Variants in GMDS observed in about 807,000 individuals in gnomAD.
GMDS encodes GDP-mannose 4,6 dehydratase.
In GMDS, 20 loss-of-function variants were observed where a neutral mutation model predicts 49.9. The ratio of observed to expected loss-of-function variants is 0.40; its 90% CI spans 0.28 to 0.58. The LOEUF is 0.58. Among genes scored for constraint, GMDS ranks in the 20% least tolerant of loss-of-function variants. The probability of loss-of-function intolerance (pLI) is 0.42; values close to 1 mark genes in which losing one functional copy is unlikely to be tolerated. For synonymous variants in GMDS, 177 were observed against 178.6 expected (o/e 0.99, Z 0.07); for missense variants, 362 against 481.4 (o/e 0.75, Z 2.32).
chr6:2,176,032 T>TA, intron 1 of GMDS: 1 of 1,526,798 alleles, frequency 6.5e-7, no homozygotes, highest in Non-Finnish European at 8.8e-7. Context: ...ACAGATGCTT[T>TA]ACTGTCAAGA....
chr6:2,235,392 G>A (rs957038532), intron 1 of GMDS, among the ~76,000 whole-genome samples: 1 of 152,074 alleles, frequency 6.6e-6, no homozygotes, highest in African/African-American at 2.4e-5. Flanking sequence ...CCTCCCCCAG[G>A]GACAATGCCT....
intron 4 of GMDS, among the ~76,000 whole-genome samples, chr6:2,014,394 G>T (rs914013206): frequency 1.3e-5 from 2 of 152,018 alleles, no homozygotes; most frequent in African/African-American, 4.8e-5. Context: ...ATAGTATATG[G>T]ATAAGTGAAA....
chr6:1,938,973 CCCTCCCCTCCTCTCT>C (rs1267834379), intron 6 of GMDS, among the ~76,000 whole-genome samples: 1 of 139,916 alleles, frequency 7.1e-6, no homozygotes, highest in Non-Finnish European at 1.5e-5. Context: ...CCCTCCCCTC[CCCTCCCCTCCTCTCT>C]CCTCTCCTCT....
At chr6:1,841,799 T>A (rs1246110492) in intron 7 of GMDS, among the ~76,000 whole-genome samples, 1 of 152,212 alleles carries the variant, frequency 6.6e-6, no homozygotes, top group East Asian at 1.9e-4. Flanking sequence ...GTGGTTCCAG[T>A]GGCTGGAGGA....
At chr6:1,707,514 G>C (rs1424018748) in intron 9 of GMDS, among the ~76,000 whole-genome samples, 1 of 119,276 alleles carries the variant, frequency 8.4e-6, no homozygotes, top group Non-Finnish European at 2.1e-5. Context: ...TGAGCAACCA[G>C]ATGGAGGTGG....
chr6:1,840,905 T>C (rs1403456486), intron 7 of GMDS, among the ~76,000 whole-genome samples: 1 of 152,188 alleles, frequency 6.6e-6, no homozygotes, highest in Non-Finnish European at 1.5e-5. Flanking sequence ...CAGCCACTAA[T>C]GACATTGTGA....
At chr6:2,137,099 C>A (rs1397713168) in intron 1 of GMDS, among the ~76,000 whole-genome samples, 1 of 152,076 alleles carries the variant, frequency 6.6e-6, no homozygotes, top group Non-Finnish European at 1.5e-5. Flanking sequence ...ACAAAGAGCT[C>A]TTCAAATTCT....
chr6:2,151,055 T>C (rs1449620734), intron 1 of GMDS, among the ~76,000 whole-genome samples: 1 of 152,134 alleles, frequency 6.6e-6, no homozygotes, highest in Non-Finnish European at 1.5e-5. Context: ...TAGCTTAAAA[T>C]ATTTAATTTT....
rs114633013 is a variant in GMDS, at chr6:1,871,862, T to C, written c.771+58241A>G. On this transcript the variant is annotated intron_variant, in intron 7 of 10. Coordinates refer to ENST00000380815, the MANE Select transcript of GMDS (RefSeq NM_001500.4). ...CGGCAAGTTACTTGCCTTCTTTTCT[T>C]TTCTCTTTTGTGAATGAGGACGAAG... 5.4e-3 allele frequency among the ~76,000 whole-genome samples: 830 copies of C among 152,356 alleles called. 3 individuals are homozygous for C. Among genetic ancestry groups the C allele is most frequent in the African/African-American group, 0.019 (807 of 41,574 alleles).
chr6:1,777,551 C>T (rs538652921), intron 7 of GMDS, among the ~76,000 whole-genome samples: 121 of 152,286 alleles, frequency 7.9e-4, no homozygotes, highest in African/African-American at 2.8e-3. Context: ...TGTGTTACAC[C>T]ATCACTCTGA....
rs932034798 is a variant in GMDS at position 1,864,775 on chromosome 6, A to G, written c.771+65328T>C. Among the ~76,000 whole-genome samples, 3 of 152,218 alleles carry G rather than the reference A, an allele frequency of 2.0e-5. No homozygotes were observed. In the East Asian group the frequency reaches 5.8e-4, roughly 29 times the overall value. Reference sequence around the variant, plus strand: ...ATCTCCCCTCCTCTGAGTAGAAAGTAGGCTTGTCAGGCTAAGCTGAGCAGC... The same window carrying G: ...ATCTCCCCTCCTCTGAGTAGAAAGTGGGCTTGTCAGGCTAAGCTGAGCAGC... On this transcript the variant is annotated intron_variant, in intron 7 of 10. Transcript: ENST00000380815.
At chr6:1,898,224 G>A (rs1432643886) in intron 7 of GMDS, among the ~76,000 whole-genome samples, 3 of 152,226 alleles carry the variant, frequency 2.0e-5, no homozygotes, top group Non-Finnish European at 4.4e-5. Flanking sequence ...TCCCACCCCG[G>A]AAGAGACCCT....
intron 9 of GMDS, among the ~76,000 whole-genome samples, chr6:1,669,494 T>C (rs1764345039): frequency 6.6e-6 from 1 of 152,198 alleles, no homozygotes; most frequent in Non-Finnish European, 1.5e-5. Flanking sequence ...TCCTATGTCA[T>C]GTAAATAGAA....
chr6:1,986,828 T>G (rs1765577826), intron 4 of GMDS, among the ~76,000 whole-genome samples: 1 of 152,182 alleles, frequency 6.6e-6, no homozygotes, highest in African/African-American at 2.4e-5. Context: ...AGCCCATTAT[T>G]CAAAATTTTT....
At chr6:1,919,848 G>T (rs112327872) in intron 7 of GMDS, among the ~76,000 whole-genome samples, 3 of 152,142 alleles carry the variant, frequency 2.0e-5, no homozygotes, top group Non-Finnish European at 2.9e-5. Flanking sequence ...AGGTCTTACC[G>T]TTGATGCCCT....
chr6:1,657,758 C>T (rs1433239034), intron 9 of GMDS, among the ~76,000 whole-genome samples: 2 of 151,152 alleles, frequency 1.3e-5, no homozygotes, highest in Non-Finnish European at 2.9e-5. Context: ...ATTTCTATCC[C>T]ACTTACTTTC....
intron 6 of GMDS, chr6:1,931,065 G>A (rs1432090536): frequency 6.6e-6 from 1 of 152,176 alleles, no homozygotes; most frequent in East Asian, 1.9e-4. Context: ...AGGCACTTCT[G>A]AGACAGTTTT....
intron 7 of GMDS, among the ~76,000 whole-genome samples, chr6:1,811,214 G>C (rs1473203013): frequency 6.6e-6 from 1 of 152,132 alleles, no homozygotes; most frequent in Non-Finnish European, 1.5e-5. Flanking sequence ...AATTATTTAA[G>C]ATCTTTCACC....
chr6:1,947,887 C>T, intron 6 of GMDS, among the ~76,000 whole-genome samples: 1 of 152,188 alleles, frequency 6.6e-6, no homozygotes. Flanking sequence ...ACTTTTTTAA[C>T]TTGTTCAGAG....
Sources: allele counts gnomAD v4.1 joint callset (sites outside exome capture counted in the v4.1 genomes callset), GRCh38; gene constraint gnomAD v4.1.1; transcripts MANE v1.5; gene names NCBI Gene and HGNC (gene_info 2026-07-23, HGNC 2026-07-21).